Variants in LRP11 observed in about 807,000 individuals in gnomAD.
LRP11 encodes LDL receptor related protein 11.
In LRP11, 25 loss-of-function variants were observed where a neutral mutation model predicts 43.1. That is an observed-to-expected ratio of 0.58 (90% confidence interval 0.42 to 0.81). The LOEUF (loss-of-function observed/expected upper bound fraction) is 0.81. Ranked by LOEUF, LRP11 falls within the 30% of genes least tolerant of loss-of-function variation. The pLI, the probability that LRP11 is intolerant of heterozygous loss-of-function variation, is 0.00. For missense variants in LRP11, 623 were observed against 665.1 expected (o/e 0.94, Z 0.70); for synonymous variants, 316 against 299.4 (o/e 1.06, Z -0.57).
Position 149,843,208 on chromosome 6 carries a change from C to T in LRP11, c.772-84G>A, listed in dbSNP as rs187745721. The T allele has an allele frequency of 1.8e-3, 2,692 of 1,524,106 alleles. 2 individuals carry two copies. Among genetic ancestry groups the T allele is most frequent in the Admixed American group, 2.5e-3 (150 of 59,024 alleles). 94.4% of individuals were successfully genotyped at this position (1,524,106 alleles called of 1,614,324 possible). A position where few individuals can be genotyped will look rare whatever the true frequency, so the allele number is the denominator to read the frequency against. On this transcript the variant is annotated intron_variant, in intron 2 of 6. Coordinates refer to ENST00000239367, the MANE Select transcript of LRP11 (RefSeq NM_032832.6). ...CCATCCTCAACCGAAAGTCCATGTCCTCAGAGCAGCCCCAGGACCTGCCTC... is the reference window on the plus strand; with the variant it reads ...CCATCCTCAACCGAAAGTCCATGTCTTCAGAGCAGCCCCAGGACCTGCCTC...
intron 1 of LRP11, among the ~76,000 whole-genome samples, chr6:149,861,168 C>A (rs1454157837): frequency 6.6e-6 from 1 of 152,152 alleles, no homozygotes; most frequent in African/African-American, 2.4e-5. Context: ...ACGAACAATT[C>A]AAGAAGGAAA....
intron 1 of LRP11, among the ~76,000 whole-genome samples, chr6:149,861,107 C>T (rs1056530505): frequency 3.9e-5 from 6 of 152,204 alleles, no homozygotes; most frequent in African/African-American, 1.4e-4. Context: ...CCAGTCACAG[C>T]TCCTCTCCAA....
At position 149,836,165 on chromosome 6, in the gene LRP11, G is replaced by A. The variant is rs746529481; in HGVS notation, c.1172C>T (p.Pro391Leu). ...KSQKATAPNK[P>L]PALSNTEKRN... is the part of the protein sequence containing the mutation. ...CTTCTCTGTGTTTGATAATGCAGGT[G>A]GCTTGTTTGGGGCAGTGGCTTTCTG... The change falls in exon 5 of 7, where the codon CCA (proline) becomes CTA (leucine). Residue 391 changes from proline to leucine, a missense_variant. Transcript: ENST00000239367. 4 of 1,614,054 alleles carry A rather than the reference G, an allele frequency of 2.5e-6. No individual in the cohort carries two copies. The highest frequency in any genetic ancestry group is 3.4e-6 in the Non-Finnish European group (4 of 1,180,024).
At position 149,839,052 on chromosome 6, in the gene LRP11, T is replaced by G. The variant is rs73779580; in HGVS notation, c.914-1589A>C. On this transcript the variant is annotated intron_variant, in intron 3 of 6. Coordinates refer to ENST00000239367, the MANE Select transcript of LRP11 (RefSeq NM_032832.6). ...AGTGAAATCTTGGACATACACTTGG[T>G]TTTTTTTTGTTTTTTTTTTTTTTGT... Among the ~76,000 whole-genome samples the G allele has an allele frequency of 7.7e-3, 1,136 of 147,452 alleles. 16 individuals carry two copies. The highest frequency in any genetic ancestry group is 0.028 in the African/African-American group (1,083 of 38,418).
chr6:149,830,957 A>C (rs370966679), intron 5 of LRP11, among the ~76,000 whole-genome samples: 7 of 152,266 alleles, frequency 4.6e-5, no homozygotes, highest in East Asian at 1.9e-4. Flanking sequence ...TGCCTGATTC[A>C]TTTTTCCTAG....
At chr6:149,841,710 C>A (rs1048254621) in intron 3 of LRP11, among the ~76,000 whole-genome samples, 2 of 151,994 alleles carry the variant, frequency 1.3e-5, no homozygotes, top group African/African-American at 4.8e-5. Flanking sequence ...GTCAGGAATT[C>A]GAGACCAGGT....
intron 5 of LRP11, among the ~76,000 whole-genome samples, chr6:149,831,517 C>T (rs1393757209): frequency 6.6e-6 from 1 of 152,196 alleles, no homozygotes; most frequent in Non-Finnish European, 1.5e-5. Flanking sequence ...AAACACAGGC[C>T]ACACTGGAGC....
chr6:149,862,577 CTTTTTTTTTTT>C (rs10553273), intron 1 of LRP11, among the ~76,000 whole-genome samples: 1 of 126,206 alleles, frequency 7.9e-6, no homozygotes, highest in African/African-American at 3.0e-5. Context: ...TTTTCTTTTC[CTTTTTTTTTTT>C]TTTTTTTTAA....
In LRP11 at chr6:149,820,640, C is replaced by CA. The variant is rs770669108; in HGVS notation, c.1411dup (p.Cys471LeufsTer19). ...TTTCTGTTTCACCAGTCGTAGTCGG[C>CA]ATGCAACCATGAGAAGCAGCAGAGC... On this transcript the variant is annotated frameshift_variant, in exon 7 of 7. Transcript: ENST00000239367. 1.3e-6 allele frequency: 1 copy of CA among 781,032 alleles called. No homozygotes were observed. The highest frequency in any genetic ancestry group is 1.7e-5 in the Admixed American group (1 of 59,028). 48.4% of individuals were successfully genotyped at this position (781,032 alleles called of 1,614,324 possible). A position where few individuals can be genotyped will look rare whatever the true frequency, so the allele number is the denominator to read the frequency against.
chr6:149,857,425 G>T (rs1033036100), intron 1 of LRP11, among the ~76,000 whole-genome samples: 5 of 151,822 alleles, frequency 3.3e-5, no homozygotes, highest in Admixed American at 2.6e-4. Flanking sequence ...TTACTTGGGG[G>T]GCTGAGGAAT....
intron 5 of LRP11, among the ~76,000 whole-genome samples, chr6:149,826,783 G>A (rs1280418766): frequency 7.9e-5 from 12 of 152,156 alleles, no homozygotes; most frequent in Non-Finnish European, 1.0e-4. Context: ...CTGGATGGCA[G>A]GTATAAATAG....
At chr6:149,860,705 C>T (rs1209111118) in intron 1 of LRP11, among the ~76,000 whole-genome samples, 1 of 152,150 alleles carries the variant, frequency 6.6e-6, no homozygotes, top group African/African-American at 2.4e-5. Context: ...CACTACAAGA[C>T]ACCTCTCTCC....
At chr6:149,852,328 CTGCCTAAGCCAGGAAGTGCTTATT>C (rs1244962744) in intron 2 of LRP11, 2 of 152,244 alleles carry the variant, frequency 1.3e-5, no homozygotes, top group African/African-American at 4.8e-5. Context: ...TGCAGTTTAT[CTGCCTAAGCCAGGAAGTGCTTATT>C]TGCCTAAGCC....
intron 6 of LRP11, among the ~76,000 whole-genome samples, chr6:149,820,928 C>CTTT (rs11399122): frequency 1.9e-4 from 22 of 116,474 alleles, no homozygotes; most frequent in African/African-American, 5.9e-4. Context: ...CAAACCTAGA[C>CTTT]TTTTTTTTTT....
intron 1 of LRP11, among the ~76,000 whole-genome samples, chr6:149,858,058 T>A (rs1166259543): frequency 6.6e-6 from 1 of 152,210 alleles, no homozygotes; most frequent in Non-Finnish European, 1.5e-5. Flanking sequence ...TAATTATTTT[T>A]TTATTATTAT....
chr6:149,846,572 C>T (rs1401593682), intron 2 of LRP11, among the ~76,000 whole-genome samples: 1 of 152,058 alleles, frequency 6.6e-6, no homozygotes, highest in Admixed American at 6.6e-5. Context: ...GTTGGTGTGA[C>T]GGGGATGCTG....
chr6:149,822,501 TAAAAA>T (rs35135120), intron 6 of LRP11, among the ~76,000 whole-genome samples: 1 of 143,696 alleles, frequency 7.0e-6, no homozygotes, highest in Non-Finnish European at 1.6e-5. Context: ...GATCCTGTCT[TAAAAA>T]AAAAAAAAAA....
chr6:149,833,141 G>A (rs1364960878), intron 5 of LRP11, among the ~76,000 whole-genome samples: 1 of 152,062 alleles, frequency 6.6e-6, no homozygotes, highest in East Asian at 1.9e-4. Context: ...GTTTCACCGT[G>A]TTAGCCAGGA....
At chr6:149,832,479 C>T (rs1462869174) in intron 5 of LRP11, among the ~76,000 whole-genome samples, 4 of 151,876 alleles carry the variant, frequency 2.6e-5, no homozygotes, top group South Asian at 2.1e-4. Flanking sequence ...TGAGCCACCG[C>T]GCCCAGCCGA....
Sources: gnomAD v4.1 joint callset for allele counts (sites outside exome capture counted in the v4.1 genomes callset) on GRCh38, gnomAD v4.1.1 for gene constraint, MANE v1.5 for transcripts, NCBI Gene and HGNC (gene_info 2026-07-23, HGNC 2026-07-21) for gene names.